JADE1: variants seen among roughly 807,000 people sequenced by gnomAD.
The protein encoded by JADE1 is protein Jade-1.
JADE1 carries 14 observed loss-of-function variants against 81.8 expected under a neutral mutation model. That is an observed-to-expected ratio of 0.17 (90% CI 0.11 to 0.27). JADE1 has a LOEUF of 0.27. JADE1 is among the 10% of genes least tolerant of loss of function. The pLI is 1.00. For synonymous variants in JADE1, 353 were observed against 391.9 expected (o/e 0.90, Z 1.17); for missense variants, 690 against 1,047.9 (o/e 0.66, Z 4.71).
intron 8 of JADE1, 89 bp from the exon 9 acceptor site, chr4:128,861,615 T>C: frequency 1.4e-6 from 2 of 1,403,010 alleles, no homozygotes; most frequent in Non-Finnish European, 2.0e-6. Context: ...TCTCTGTGCA[T>C]GTGTACATGG....
intron 2 of JADE1, among the ~76,000 whole-genome samples, chr4:128,832,921 T>C (rs1728672103): frequency 6.6e-6 from 1 of 151,828 alleles, no homozygotes; most frequent in Admixed American, 6.5e-5. Flanking sequence ...TCGGTTGGTG[T>C]GCTTGGCACA....
chr4:128,811,318 G>A (rs1264799117), intron 1 of JADE1: 1 of 152,350 alleles, frequency 6.6e-6, no homozygotes, highest in Non-Finnish European at 1.5e-5. Context: ...GCGGCGGGAG[G>A]CAGGTGCACG....
At chr4:128,870,183 T>G (rs1484205961) in intron 10 of JADE1, among the ~76,000 whole-genome samples, 1 of 152,204 alleles carries the variant, frequency 6.6e-6, no homozygotes, top group Non-Finnish European at 1.5e-5. Flanking sequence ...TGCAGTGTGA[T>G]GTGAAGGTTG....
intron 1 of JADE1, chr4:128,827,992 G>C (rs555940208): frequency 1.9e-6 from 1 of 519,758 alleles, no homozygotes; most frequent in East Asian, 1.5e-4. Flanking sequence ...AGTCTTACCA[G>C]CCTCCTCTGA....
At chr4:128,861,562 C>T (rs968222823) in intron 8 of JADE1, 142 bp from the exon 9 acceptor site, 42 of 961,418 alleles carry the variant, frequency 4.4e-5, no homozygotes, top group African/African-American at 8.2e-5. Context: ...GGTTAATCCA[C>T]GTACAACTTT....
intron 4 of JADE1, among the ~76,000 whole-genome samples, chr4:128,847,607 C>T (rs538645705): frequency 1.3e-5 from 2 of 152,316 alleles, no homozygotes; most frequent in South Asian, 4.1e-4. Flanking sequence ...TCAGCACTGG[C>T]AGCCCCAGTC....
chr4:128,844,748 A>G (rs1189456007), intron 3 of JADE1, among the ~76,000 whole-genome samples: 1 of 152,114 alleles, frequency 6.6e-6, no homozygotes, highest in Non-Finnish European at 1.5e-5. Flanking sequence ...TGGGAGGTGC[A>G]TGGCCTAATT....
At chr4:128,862,906 G>C in intron 9 of JADE1, 2 of 987,566 alleles carry the variant, frequency 2.0e-6, no homozygotes, top group Non-Finnish European at 2.4e-6. Context: ...GTGTGTGTGT[G>C]TGTGTGTGCG....
At chr4:128,828,450 G>A (rs1194564077) in intron 1 of JADE1, among the ~76,000 whole-genome samples, 2 of 152,056 alleles carry the variant, frequency 1.3e-5, no homozygotes, top group Admixed American at 6.6e-5. Flanking sequence ...TTGATGTCAA[G>A]GTTTAAGTAC....
chr4:128,850,367 G>A (rs1730248810), intron 5 of JADE1, among the ~76,000 whole-genome samples: 1 of 151,666 alleles, frequency 6.6e-6, no homozygotes, highest in Admixed American at 6.6e-5. Context: ...CAGCCTTGAA[G>A]GGCCAAGACC....
intron 8 of JADE1, among the ~76,000 whole-genome samples, chr4:128,860,167 T>G (rs1731202847): frequency 6.6e-6 from 1 of 152,212 alleles, no homozygotes. Flanking sequence ...GAAGACACTT[T>G]GTCTTCTCAT....
At chr4:128,854,398 C>T (rs992660472) in intron 6 of JADE1, among the ~76,000 whole-genome samples, 1 of 152,144 alleles carries the variant, frequency 6.6e-6, no homozygotes, top group African/African-American at 2.4e-5. Flanking sequence ...AAAAAAATTT[C>T]TTCCTTCACA....
In JADE1 at chr4:128,862,161, G is replaced by A. The variant is rs781453579; in HGVS notation, c.1439G>A (p.Arg480Gln). ...GATGAAGAGGACAATCTAGCCAAGC[G>A]GGAGCAGGATGTCTTATTTAGGAGG... ...KKDEEDNLAK[R>Q]EQDVLFRRLQ... The change falls in exon 9 of 11, where the codon CGG (arginine) becomes CAG (glutamine). Residue 480 changes from arginine to glutamine, a missense_variant. This residue lies in a region of JADE1 where 63 missense variants were observed against 138.4 expected (regional missense o/e 0.46). Transcript: ENST00000226319. 6.2e-6 allele frequency: 10 copies of A among 1,614,068 alleles called. No individual in the cohort carries two copies. Among genetic ancestry groups the A allele is most frequent in the African/African-American group, 1.3e-5 (1 of 74,924 alleles).
chr4:128,858,595 G>C (rs1282094602), intron 8 of JADE1, among the ~76,000 whole-genome samples: 1 of 139,094 alleles, frequency 7.2e-6, no homozygotes, highest in African/African-American at 2.5e-5. Context: ...TGGGAAGGTG[G>C]TTTTAAAATT....
At chr4:128,824,926 A>C (rs953797314) in intron 1 of JADE1, among the ~76,000 whole-genome samples, 4 of 152,184 alleles carry the variant, frequency 2.6e-5, no homozygotes, top group African/African-American at 9.7e-5. Flanking sequence ...GCCCTGTTCC[A>C]CCACAGAGAG....
Position 128,852,274 on chromosome 4 carries a change from T to C in JADE1, c.696+6T>C. On this transcript the variant is annotated splice_donor_region_variant and intron_variant, in intron 6 of 10. Coordinates refer to ENST00000226319, the MANE Select transcript of JADE1 (RefSeq NM_199320.4). ...GCAACATCTGTGTGCACCAGGTATG[T>C]GGGGCAGGGAGGCCAGAAAGAAGAA... The C allele has an allele frequency of 6.2e-7, 1 of 1,612,958 alleles. No individual in the cohort carries two copies. Among genetic ancestry groups the C allele is most frequent in the Non-Finnish European group, 8.5e-7 (1 of 1,178,976 alleles).
intron 2 of JADE1, among the ~76,000 whole-genome samples, chr4:128,835,944 G>C (rs1728946818): frequency 6.6e-6 from 1 of 152,228 alleles, no homozygotes; most frequent in African/African-American, 2.4e-5. Flanking sequence ...CCTTTCTCCA[G>C]GTGCCCTGGA....
chr4:128,820,141 T>G (rs1428137093), intron 1 of JADE1, among the ~76,000 whole-genome samples: 3 of 151,588 alleles, frequency 2.0e-5, no homozygotes, highest in Non-Finnish European at 2.9e-5. Context: ...AGATGGAGTC[T>G]TGCTTTGTCA....
At position 128,871,880 on chromosome 4, in the gene JADE1, A is replaced by G. The variant is rs373904535; in HGVS notation, c.2147A>G (p.Glu716Gly). Residue 716 changes from glutamate (E) to glycine (G), a missense_variant, in exon 11 of 11, where the codon GAG (glutamate) becomes GGG (glycine). Glu to Gly is a moderately conservative substitution (Grantham distance 98). Around this residue, in one of 8 missense-constraint regions of JADE1, gnomAD observed 218 missense variants for 274.3 expected, o/e 0.79. Coordinates refer to ENST00000226319, the MANE Select transcript of JADE1 (RefSeq NM_199320.4). This position sits in a 1 kb window ranked among gnomAD's most constrained non-coding sequence, Gnocchi z 4.1. ...VGQSAPGTRK[E>G]IVPKCNGSLI... ...CAGTCAGCACCTGGCACAAGGAAGG[A>G]GATAGTGCCCAAGTGCAATGGCTCC... The G allele has an allele frequency of 1.9e-5, 31 of 1,614,114 alleles. No homozygotes were observed. Among genetic ancestry groups the G allele is most frequent in the Non-Finnish European group, 2.4e-5 (28 of 1,179,996 alleles).
Sources: gnomAD v4.1 joint callset for allele counts (sites outside exome capture counted in the v4.1 genomes callset) on GRCh38, gnomAD v4.1.1 for gene constraint, gnomAD v4.1.1 regional missense constraint, Gnocchi (gnomAD v3.1) non-coding constraint, MANE v1.5 for transcripts, NCBI Gene and HGNC (gene_info 2026-07-23, HGNC 2026-07-21) for gene names.